Variants in DNMT3A observed in about 807,000 individuals in gnomAD.
DNMT3A encodes DNA methyltransferase 3 alpha.
A neutral mutation model predicts 117.6 loss-of-function variants in DNMT3A; 267 were observed. That is an observed-to-expected ratio of 2.27 (90% CI 2.05 to 2.51). The LOEUF is 2.51. Ranked by LOEUF, DNMT3A falls within the 30% of genes most tolerant of loss-of-function variation. The pLI is 0.00. For synonymous variants in DNMT3A, 432 were observed against 474.8 expected (o/e 0.91, Z 1.17); for missense variants, 1,029 against 1,260.2 (o/e 0.82, Z 2.78).
intron 2 of DNMT3A, among the ~76,000 whole-genome samples, chr2:25,308,968 T>TACACACACACACACACAC (rs10628428): frequency 3.5e-5 from 5 of 144,046 alleles, no homozygotes; most frequent in South Asian, 2.3e-4. Context: ...CACAGATGCA[T>TACACACACACACACACAC]ACACACACAC....
At chr2:25,248,308 A>G in intron 6 of DNMT3A, 56 bp from the exon 7 acceptor site, 1 of 1,578,802 alleles carries the variant, frequency 6.3e-7, no homozygotes, top group Non-Finnish European at 8.6e-7. Flanking sequence ...TAGCAAGGCC[A>G]CCTGACACTC....
chr2:25,243,873 C>T (rs888799927), intron 16 of DNMT3A, 25 bp downstream of exon 16: 4 of 1,551,658 alleles, frequency 2.6e-6, no homozygotes, highest in African/African-American at 1.4e-5. Context: ...AGGCGGCCAG[C>T]ACCTCTTGGG....
At position 25,282,081 on chromosome 2, in the gene DNMT3A, G is replaced by T; in HGVS notation, c.448+360C>A. The T allele has an allele frequency of 8.7e-7, 1 of 1,144,638 alleles. No individual in the cohort carries two copies. Among genetic ancestry groups the T allele is most frequent in the Non-Finnish European group, 1.1e-6 (1 of 908,224 alleles). The allele number at this position is 1,144,638 out of a possible 1,614,324, so 70.9% of individuals were successfully genotyped here. On this transcript the variant is annotated intron_variant, in intron 4 of 22. Coordinates refer to ENST00000321117, the MANE Select transcript of DNMT3A (RefSeq NM_022552.5). This position sits in a 1 kb window ranked among gnomAD's most constrained non-coding sequence, Gnocchi z 5.2. ...TAAGGCCCACAACCAGCCACAGAAG[G>T]CGATGGAGGGACCGCCATTATCCCA...
At chr2:25,307,835 G>A (rs2033867030) in intron 2 of DNMT3A, among the ~76,000 whole-genome samples, 1 of 152,160 alleles carries the variant, frequency 6.6e-6, no homozygotes. Context: ...CTTATCAGCA[G>A]GGCTGGGCTC....
At position 25,237,595 on chromosome 2, in the gene DNMT3A, C is replaced by T. The variant is rs760968776; in HGVS notation, c.2409-590G>A. On this transcript the variant is annotated intron_variant, in intron 20 of 22. Coordinates refer to ENST00000321117, the MANE Select transcript of DNMT3A (RefSeq NM_022552.5). The surrounding 1 kb of genome is among the most constrained non-coding windows in gnomAD (Gnocchi z 5.4). ...CCATCCTGATCAACATGGTGAAACC[C>T]GGTCTCTACTAATATAAAAATTAGC... 7.9e-5 allele frequency among the ~76,000 whole-genome samples: 12 copies of T among 152,136 alleles called. No homozygotes were observed. Among genetic ancestry groups the T allele is most frequent in the East Asian group, 5.8e-4 (3 of 5,184 alleles).
At chr2:25,253,976 G>A (rs1675892222) in intron 6 of DNMT3A, among the ~76,000 whole-genome samples, 1 of 151,794 alleles carries the variant, frequency 6.6e-6, no homozygotes. Context: ...GGAGGCTGAG[G>A]CAAGAGAATC....
intron 6 of DNMT3A, among the ~76,000 whole-genome samples, chr2:25,261,120 C>A (rs1389007387): frequency 1.3e-5 from 2 of 152,026 alleles, no homozygotes; most frequent in African/African-American, 4.8e-5. Context: ...ATGGTGAAAA[C>A]CCATCTCTAC....
In DNMT3A at chr2:25,286,549, G is replaced by A. The variant is rs568323845; in HGVS notation, c.178-3838C>T. 3.7e-4 allele frequency among the ~76,000 whole-genome samples: 57 copies of A among 152,190 alleles called. No homozygotes were observed. Among genetic ancestry groups the A allele is most frequent in the African/African-American group, 1.1e-3 (46 of 41,446 alleles). ...ATTCAGCCAAAGTTCTGGGATTTGG[G>A]GGGGAGGGCAATGACTTCTGCCACG... On this transcript the variant is annotated intron_variant, in intron 3 of 22. Transcript: ENST00000321117. The surrounding 1 kb of genome is among the most constrained non-coding windows in gnomAD (Gnocchi z 4.3).
rs1457033944 is a variant in DNMT3A at position 25,279,678 on chromosome 2, G to GT, written c.448+2762dup. ...CACACAGGAGTGTACCAAGGCCAAAGTTTGTTTTTTTTTTTTGTATTTTTT... is the reference window on the plus strand; with the variant it reads ...CACACAGGAGTGTACCAAGGCCAAAGTTTTGTTTTTTTTTTTTGTATTTTTT... On this transcript the variant is annotated intron_variant, in intron 4 of 22. Coordinates refer to ENST00000321117, the MANE Select transcript of DNMT3A (RefSeq NM_022552.5). Among the ~76,000 whole-genome samples the GT allele has an allele frequency of 1.5e-3, 230 of 149,886 alleles. 2 individuals are homozygous for GT. Among genetic ancestry groups the GT allele is most frequent in the African/African-American group, 5.6e-3 (228 of 40,576 alleles).
At chr2:25,290,338 T>TTTTTTTTTTTA (rs1255056962) in intron 3 of DNMT3A, among the ~76,000 whole-genome samples, 2 of 150,620 alleles carry the variant, frequency 1.3e-5, no homozygotes, top group African/African-American at 4.9e-5. Context: ...TTTTTTTTTT[T>TTTTTTTTTTTA]GAGACGCAGT....
intron 16 of DNMT3A, among the ~76,000 whole-genome samples, chr2:25,242,210 C>T (rs557169713): frequency 2.6e-5 from 4 of 152,214 alleles, no homozygotes; most frequent in South Asian, 4.2e-4. Flanking sequence ...CCCTTGCCTC[C>T]CCATCAGAGC....
intron 1 of DNMT3A, among the ~76,000 whole-genome samples, chr2:25,340,889 G>A (rs1369177498): frequency 0.023 from 2,125 of 93,320 alleles, 51 homozygotes; most frequent in African/African-American, 0.075. Context: ...ATCCTCGCCC[G>A]CCCCCGCCCC....
chr2:25,240,757 G>C (rs746009411), intron 17 of DNMT3A, 27 bp from the exon 18 acceptor site: 105 of 1,606,232 alleles, frequency 6.5e-5, no homozygotes, highest in Non-Finnish European at 8.7e-5. Context: ...AACGTGATGG[G>C]CCTGCTGTCC....
chr2:25,275,410 G>GGC, intron 5 of DNMT3A, 90 bp downstream of exon 5: 10 of 1,451,114 alleles, frequency 6.9e-6, no homozygotes, highest in Non-Finnish European at 8.4e-6. Flanking sequence ...AGGAGGAGGG[G>GGC]CCCACCCTCC....
intron 2 of DNMT3A, among the ~76,000 whole-genome samples, chr2:25,310,329 C>A (rs1049883840): frequency 6.6e-6 from 1 of 151,552 alleles, no homozygotes; most frequent in African/African-American, 2.4e-5. Flanking sequence ...TGCTTGCCTC[C>A]CCACCCACCC....
chr2:25,329,055 G>A (rs1374602597), intron 1 of DNMT3A, among the ~76,000 whole-genome samples: 1 of 152,156 alleles, frequency 6.6e-6, no homozygotes, highest in African/African-American at 2.4e-5. Context: ...GTTGGAGCTC[G>A]TCCCCCACCA....
chr2:25,268,371 C>T (rs2030556282), intron 6 of DNMT3A, among the ~76,000 whole-genome samples: 1 of 152,094 alleles, frequency 6.6e-6, no homozygotes, highest in South Asian at 2.1e-4. Flanking sequence ...GTAACTGAGT[C>T]CTAAAACCAC....
intron 6 of DNMT3A, among the ~76,000 whole-genome samples, chr2:25,255,973 C>T (rs1359818592): frequency 1.3e-5 from 2 of 152,222 alleles, no homozygotes; most frequent in African/African-American, 2.4e-5. Context: ...AATCCAGTTC[C>T]GGCAGGATGA....
intron 6 of DNMT3A, among the ~76,000 whole-genome samples, chr2:25,268,903 C>G (rs868296774): frequency 2.6e-5 from 4 of 152,270 alleles, no homozygotes; most frequent in Non-Finnish European, 5.9e-5. Context: ...AGCCAGCCAG[C>G]AGGTATTCAC....
Sources: gnomAD v4.1 joint callset for allele counts (sites outside exome capture counted in the v4.1 genomes callset) on GRCh38, gnomAD v4.1.1 for gene constraint, Gnocchi (gnomAD v3.1) non-coding constraint, MANE v1.5 for transcripts, NCBI Gene and HGNC (gene_info 2026-07-23, HGNC 2026-07-21) for gene names.